Variants in TBC1D22A observed in about 807,000 individuals in gnomAD.
TBC1D22A encodes the protein TBC1 domain family member 22A.
In TBC1D22A, 38 loss-of-function variants were observed where a neutral mutation model predicts 60.2. The ratio of observed to expected loss-of-function variants is 0.63; its 90% CI spans 0.49 to 0.83. The LOEUF is 0.83. TBC1D22A is among the 40% of genes least tolerant of loss of function. TBC1D22A has a pLI of 0.00. For missense variants in TBC1D22A, 628 were observed against 701.0 expected (o/e 0.90, Z 1.18); for synonymous variants, 302 against 281.7 (o/e 1.07, Z -0.72).
intron 12 of TBC1D22A, among the ~76,000 whole-genome samples, chr22:47,131,778 C>T (rs2066687607): frequency 1.3e-5 from 2 of 152,214 alleles, no homozygotes; most frequent in East Asian, 1.9e-4. Context: ...CTGGCTCTCT[C>T]GCAGAGGCCC....
intron 7 of TBC1D22A, among the ~76,000 whole-genome samples, chr22:46,904,506 T>C (rs1413952457): frequency 6.6e-6 from 1 of 151,966 alleles, no homozygotes; most frequent in African/African-American, 2.4e-5. Context: ...TCTTGCTTTG[T>C]TGTCCAGGCT....
chr22:46,959,763 G>A, intron 8 of TBC1D22A, among the ~76,000 whole-genome samples: 1 of 152,208 alleles, frequency 6.6e-6, no homozygotes, highest in East Asian at 1.9e-4. Context: ...GTTCACTCTT[G>A]TCGGGAGGTT....
At chr22:47,073,554 A>T (rs1286741535) in intron 11 of TBC1D22A, among the ~76,000 whole-genome samples, 2 of 152,228 alleles carry the variant, frequency 1.3e-5, no homozygotes, top group African/African-American at 4.8e-5. Flanking sequence ...ACCCATAATC[A>T]TTAGAAATAA....
chr22:46,799,284 C>T (rs2084795569), intron 4 of TBC1D22A, among the ~76,000 whole-genome samples: 2 of 152,156 alleles, frequency 1.3e-5, no homozygotes, highest in African/African-American at 2.4e-5. Flanking sequence ...CCAGAATCAC[C>T]AATTGTTTAC....
At chr22:47,013,334 T>C (rs1230761142) in intron 10 of TBC1D22A, among the ~76,000 whole-genome samples, 2 of 152,190 alleles carry the variant, frequency 1.3e-5, no homozygotes, top group African/African-American at 4.8e-5. Flanking sequence ...TGTGATGATA[T>C]CTTTGTGACT....
chr22:47,134,113 AC>A (rs1327236832), intron 12 of TBC1D22A, among the ~76,000 whole-genome samples: 2 of 152,168 alleles, frequency 1.3e-5, no homozygotes, highest in Admixed American at 1.3e-4. Context: ...CTTCCCTTGC[AC>A]GTTTCTGCCT....
intron 7 of TBC1D22A, among the ~76,000 whole-genome samples, chr22:46,908,394 G>A (rs1433766274): frequency 6.6e-6 from 1 of 152,212 alleles, no homozygotes; most frequent in African/African-American, 2.4e-5. Flanking sequence ...CAGGCTTTGT[G>A]TGCAGTGTCA....
intron 12 of TBC1D22A, among the ~76,000 whole-genome samples, chr22:47,172,958 G>A (rs151315673): frequency 1.2e-4 from 18 of 152,366 alleles, no homozygotes; most frequent in East Asian, 7.7e-4. Flanking sequence ...GCTGGTGCCC[G>A]GAGGGGTCTC....
At chr22:46,843,595 T>C (rs920773504) in intron 4 of TBC1D22A, among the ~76,000 whole-genome samples, 1 of 151,974 alleles carries the variant, frequency 6.6e-6, no homozygotes, top group African/African-American at 2.4e-5. Flanking sequence ...GGAGTGGGTA[T>C]CACGCGTTCT....
intron 10 of TBC1D22A, among the ~76,000 whole-genome samples, chr22:47,016,390 T>A (rs1325496686): frequency 6.6e-6 from 1 of 152,030 alleles, no homozygotes; most frequent in Non-Finnish European, 1.5e-5. Flanking sequence ...TGGCTGGCCC[T>A]CCCCCAAGGA....
chr22:46,971,220 C>T (rs773277856), intron 8 of TBC1D22A, among the ~76,000 whole-genome samples: 6 of 152,204 alleles, frequency 3.9e-5, no homozygotes, highest in Non-Finnish European at 8.8e-5. Flanking sequence ...AAATAACAAG[C>T]CAGCTAAACA....
chr22:47,164,641 G>C (rs1186953412), intron 12 of TBC1D22A, among the ~76,000 whole-genome samples: 1 of 152,218 alleles, frequency 6.6e-6, no homozygotes, highest in African/African-American at 2.4e-5. Flanking sequence ...AGCCCAAATG[G>C]AGACACGGGA....
intron 11 of TBC1D22A, among the ~76,000 whole-genome samples, chr22:47,037,932 A>G (rs967572207): frequency 6.6e-6 from 1 of 152,232 alleles, no homozygotes; most frequent in Non-Finnish European, 1.5e-5. Context: ...TTAAAAAATC[A>G]CAGATTCAGT....
intron 4 of TBC1D22A, among the ~76,000 whole-genome samples, chr22:46,841,427 A>C (rs972849961): frequency 6.6e-6 from 1 of 152,174 alleles, no homozygotes; most frequent in Admixed American, 6.5e-5. Context: ...CGTGAGAAAA[A>C]ATTTTCTGTT....
intron 4 of TBC1D22A, among the ~76,000 whole-genome samples, chr22:46,868,674 T>C (rs913354048): frequency 6.6e-6 from 1 of 152,224 alleles, no homozygotes; most frequent in Non-Finnish European, 1.5e-5. Context: ...CTAAATACTA[T>C]GCTAATTTTG....
At chr22:46,770,858 G>A (rs553786529) in intron 1 of TBC1D22A, among the ~76,000 whole-genome samples, 1 of 152,332 alleles carries the variant, frequency 6.6e-6, no homozygotes, top group East Asian at 1.9e-4. Flanking sequence ...GCAGAGGGAA[G>A]CCCCGGAGTC....
chr22:46,831,306 A>G (rs1276986602), intron 4 of TBC1D22A, among the ~76,000 whole-genome samples: 1 of 152,112 alleles, frequency 6.6e-6, no homozygotes, highest in African/African-American at 2.4e-5. Flanking sequence ...GCAACTCTCC[A>G]GAGTAGATTC....
intron 7 of TBC1D22A, among the ~76,000 whole-genome samples, chr22:46,908,962 C>T (rs1243794360): frequency 6.6e-6 from 1 of 152,118 alleles, no homozygotes. Flanking sequence ...TGCTGTGGAA[C>T]CGAGTCGAGG....
chr22:46,856,200 G>T (rs534703775), intron 4 of TBC1D22A, among the ~76,000 whole-genome samples: 7 of 152,344 alleles, frequency 4.6e-5, no homozygotes, highest in South Asian at 2.1e-4. Context: ...TGTGGATGTG[G>T]TGAAAAGCTG....
Sources: gnomAD v4.1 joint callset for allele counts (sites outside exome capture counted in the v4.1 genomes callset) on GRCh38, gnomAD v4.1.1 for gene constraint, MANE v1.5 for transcripts, NCBI Gene and HGNC (gene_info 2026-07-23, HGNC 2026-07-21) for gene names.